FSD1L: variants seen among roughly 807,000 people sequenced by gnomAD.
The protein encoded by FSD1L is FSD1-like protein.
A neutral mutation model predicts 71.6 loss-of-function variants in FSD1L; 45 were observed. The ratio of observed to expected loss-of-function variants is 0.63; its 90% CI spans 0.49 to 0.81. The LOEUF (loss-of-function observed/expected upper bound fraction) is 0.81. Ranked by LOEUF, FSD1L falls within the 30% of genes least tolerant of loss-of-function variation. The probability of loss-of-function intolerance (pLI) is 0.00; values close to 1 mark genes in which losing one functional copy is unlikely to be tolerated. For synonymous variants in FSD1L, 197 were observed against 207.2 expected (o/e 0.95, Z 0.42); for missense variants, 561 against 618.1 (o/e 0.91, Z 0.98).
At chr9:105,493,001 A>G (rs982343257) in intron 7 of FSD1L, among the ~76,000 whole-genome samples, 24 of 152,182 alleles carry the variant, frequency 1.6e-4, no homozygotes, top group African/African-American at 5.6e-4. Flanking sequence ...AGAGTTCTGT[A>G]GATGTCTATT....
At position 105,512,928 on chromosome 9, in the gene FSD1L, C is replaced by G; in HGVS notation, c.1017C>G (p.Asn339Lys). 2 of 1,533,984 alleles carry G rather than the reference C, an allele frequency of 1.3e-6. No homozygotes were observed. Among genetic ancestry groups the G allele is most frequent in the South Asian group, 2.5e-5 (2 of 80,254 alleles). The part of the protein sequence containing the change: ...GQESKIKGKE[N>K]KGRSGTPSPK... ...AAAGTAAAATTAAAGGAAAAGAGAA[C>G]AAGGGCAGGTAAGCTAGACCATTAA... Residue 339 changes from asparagine (N) to lysine (K), a missense_variant, in exon 10 of 14, where the codon AAC (asparagine) becomes AAG (lysine). Asn to Lys is a moderately conservative substitution (Grantham distance 94, BLOSUM62 0). This residue lies in a region of FSD1L where 410 missense variants were observed against 413.5 expected (regional missense o/e 0.99). Transcript: ENST00000481272.
Position 105,471,886 on chromosome 9 carries a change from T to TG in FSD1L, c.340-18_340-17insG, listed in dbSNP as rs1228417503. 9.7e-7 allele frequency: 1 copy of TG among 1,035,688 alleles called. No homozygotes were observed. Among genetic ancestry groups the TG allele is most frequent in the African/African-American group, 1.7e-5 (1 of 58,804 alleles). 64.2% of individuals were successfully genotyped at this position (1,035,688 alleles called of 1,614,324 possible). On this transcript the variant is annotated splice_polypyrimidine_tract_variant and intron_variant, in intron 4 of 13. Coordinates refer to ENST00000481272, the MANE Select transcript of FSD1L (RefSeq NM_001145313.3). ...AAACTTCATTTTAATGACTTAGTTT[T>TG]TTTTTTTTTTTCCCTAGAGTCAGAT...
intron 6 of FSD1L, among the ~76,000 whole-genome samples, chr9:105,481,747 T>C (rs1832217125): frequency 2.6e-5 from 4 of 152,074 alleles, no homozygotes; most frequent in Admixed American, 2.0e-4. Flanking sequence ...AAATAATTAC[T>C]GTAGCTATTT....
intron 10 of FSD1L, among the ~76,000 whole-genome samples, chr9:105,532,030 T>C (rs561903797): frequency 1.3e-3 from 198 of 152,174 alleles, no homozygotes; most frequent in Non-Finnish European, 2.0e-3. Flanking sequence ...GTATAGCTGG[T>C]TAAAGGAGGG....
At chr9:105,504,779 C>CT (rs1833955155) in intron 7 of FSD1L, among the ~76,000 whole-genome samples, 1 of 152,080 alleles carries the variant, frequency 6.6e-6, no homozygotes, top group Admixed American at 6.6e-5. Flanking sequence ...TAGTTTTAAA[C>CT]TTTTTTATTG....
At position 105,551,635 on chromosome 9, in the gene FSD1L, AAAAT is replaced by A. The variant is rs1837267446; in HGVS notation, c.*5156_*5159del. ...CAGTGATTTCTAACATGATTTTAAA[AAAAT>A]AAAACCCCAATTAAAATGTTCTTTA... is the stretch of plus-strand genomic sequence containing the variant. On this transcript the variant is annotated 3_prime_UTR_variant, in exon 14 of 14. Coordinates refer to ENST00000481272, the MANE Select transcript of FSD1L (RefSeq NM_001145313.3). 6.6e-6 allele frequency: 1 copy of A among 152,228 alleles called. No homozygotes were observed. Among genetic ancestry groups the A allele is most frequent in the South Asian group, 2.1e-4 (1 of 4,836 alleles). The allele number at this position is 152,228 out of a possible 1,614,324, so 9.4% of individuals were successfully genotyped here. A position where few individuals can be genotyped will look rare whatever the true frequency, so the allele number is the denominator to read the frequency against.
At chr9:105,468,572 G>T (rs1831226693) in intron 4 of FSD1L, among the ~76,000 whole-genome samples, 1 of 147,152 alleles carries the variant, frequency 6.8e-6, no homozygotes, top group Non-Finnish European at 1.5e-5. Flanking sequence ...TTGGTTCATT[G>T]CAACCTCTGC....
intron 12 of FSD1L, among the ~76,000 whole-genome samples, chr9:105,538,311 CA>C (rs1052633012): frequency 2.3e-4 from 35 of 152,232 alleles, no homozygotes; most frequent in African/African-American, 8.2e-4. Flanking sequence ...TACATTACCT[CA>C]AAATATTAAA....
At chr9:105,511,090 A>G (rs1174697724) in intron 9 of FSD1L, among the ~76,000 whole-genome samples, 1 of 151,846 alleles carries the variant, frequency 6.6e-6, no homozygotes, top group Non-Finnish European at 1.5e-5. Flanking sequence ...AGAAAGAGAG[A>G]TACGAAAATG....
intron 12 of FSD1L, among the ~76,000 whole-genome samples, chr9:105,537,074 T>C (rs764767092): frequency 7.9e-5 from 12 of 152,238 alleles, no homozygotes; most frequent in South Asian, 2.1e-4. Context: ...TTACTTGATA[T>C]TTATATTTTG....
intron 10 of FSD1L, among the ~76,000 whole-genome samples, chr9:105,515,691 TGAG>T (rs1564130901): frequency 6.6e-6 from 1 of 152,064 alleles, no homozygotes; most frequent in African/African-American, 2.4e-5. Flanking sequence ...AACCTGCAGA[TGAG>T]GAGATCCCTT....
chr9:105,472,461 GATTGTAA>G (rs1390290877), intron 5 of FSD1L: 2 of 153,696 alleles, frequency 1.3e-5, no homozygotes, highest in Admixed American at 6.5e-5. Flanking sequence ...GTGTTTAAGT[GATTGTAA>G]ATTGTAAATT....
At chr9:105,501,596 ATTT>A (rs5899666) in intron 7 of FSD1L, among the ~76,000 whole-genome samples, 10 of 133,394 alleles carry the variant, frequency 7.5e-5, no homozygotes, top group African/African-American at 1.1e-4. Context: ...CTAATTTTTA[ATTT>A]TTTTTTTTTT....
chr9:105,460,475 C>T (rs1830617910), intron 1 of FSD1L, among the ~76,000 whole-genome samples: 1 of 151,644 alleles, frequency 6.6e-6, no homozygotes, highest in East Asian at 1.9e-4. Flanking sequence ...ACCTGTAATC[C>T]CAGCTACTCG....
chr9:105,475,181 C>T (rs949599547), intron 5 of FSD1L, among the ~76,000 whole-genome samples: 2 of 152,164 alleles, frequency 1.3e-5, no homozygotes, highest in Admixed American at 6.5e-5. Context: ...GTCAGTGGAA[C>T]AATTTCCAAG....
upstream of FSD1L, among the ~76,000 whole-genome samples, chr9:105,443,161 G>T (rs192874289): frequency 3.3e-5 from 5 of 152,304 alleles, no homozygotes; most frequent in Non-Finnish European, 7.4e-5. Flanking sequence ...CATTCTTTCC[G>T]TCTGTATTAG....
chr9:105,545,723 C>T (rs541612653), intron 13 of FSD1L, among the ~76,000 whole-genome samples: 3 of 152,086 alleles, frequency 2.0e-5, no homozygotes, highest in East Asian at 1.9e-4. Flanking sequence ...TGCTGGATTA[C>T]GTTTATTGGT....
At position 105,502,923 on chromosome 9, in the gene FSD1L, T is replaced by C. The variant is rs544693225; in HGVS notation, c.587-3476T>C. Among the ~76,000 whole-genome samples the C allele has an allele frequency of 8.9e-3, 1,347 of 151,440 alleles. 20 individuals carry two copies. Among genetic ancestry groups the C allele is most frequent in the African/African-American group, 0.031 (1,292 of 41,192 alleles). On this transcript the variant is annotated intron_variant, in intron 7 of 13. Coordinates refer to ENST00000481272, the MANE Select transcript of FSD1L (RefSeq NM_001145313.3). ...TTTTTGAGACAAGGTCTTGCTGTGT[T>C]GCCCAGGCTGGAGTACAGTGGCACA...
chr9:105,444,316 G>A (rs559780152), upstream of FSD1L, among the ~76,000 whole-genome samples: 12 of 152,262 alleles, frequency 7.9e-5, no homozygotes, highest in African/African-American at 2.6e-4. Context: ...TATTCTGATC[G>A]GTATGTTACA....
Sources: allele counts gnomAD v4.1 joint callset (sites outside exome capture counted in the v4.1 genomes callset), GRCh38; gene constraint gnomAD v4.1.1; regional missense constraint gnomAD v4.1.1; transcripts MANE v1.5; gene names NCBI Gene and HGNC (gene_info 2026-07-23, HGNC 2026-07-21).